The following FAM193B variants were observed in gnomAD, a reference collection of about 807,000 sequenced individuals.
FAM193B encodes protein FAM193B.
Under a neutral mutation model 70.7 loss-of-function variants are expected in FAM193B, and 27 were observed. The ratio of observed to expected loss-of-function variants is 0.38; its 90% CI spans 0.28 to 0.53. The LOEUF is 0.53. Among genes scored for constraint, FAM193B ranks in the 20% least tolerant of loss-of-function variants. FAM193B has a pLI of 0.81. For missense variants in FAM193B, 1,022 were observed against 1,072.5 expected (o/e 0.95, Z 0.66); for synonymous variants, 448 against 436.0 (o/e 1.03, Z -0.34).
At chr5:177,521,884 C>A (rs572359354) in intron 8 of FAM193B, 90 bp downstream of exon 8, 201 of 1,003,730 alleles carry the variant, frequency 2.0e-4, no homozygotes, top group Non-Finnish European at 1.1e-4. Context: ...ACTCCCTGTG[C>A]CCCAGAGCAC....
At chr5:177,529,697 A>G (rs1009607871) in intron 5 of FAM193B, among the ~76,000 whole-genome samples, 12 of 152,252 alleles carry the variant, frequency 7.9e-5, no homozygotes, top group Non-Finnish European at 1.8e-4. Flanking sequence ...TAGCATTATC[A>G]GTAAAGGGGA....
rs368338630 is a variant in FAM193B, at chr5:177,551,277, T to G, written c.210+2972A>C. On this transcript the variant is annotated intron_variant, in intron 1 of 8. Coordinates refer to ENST00000514747, the MANE Select transcript of FAM193B (RefSeq NM_001190946.3). ...TTTTTCAGTTGTTCTTTATTTTTTT[T>G]TTTGTTTGTTTTGTTTTCCTTTGCT... 3.1e-3 allele frequency among the ~76,000 whole-genome samples: 473 copies of G among 152,318 alleles called. 5 individuals are homozygous for G. The highest frequency in any genetic ancestry group is 9.6e-3 in the African/African-American group (400 of 41,558).
At position 177,536,447 on chromosome 5, in the gene FAM193B, G is replaced by A. The variant is rs950579495; in HGVS notation, c.987C>T (p.Cys329=). Residue 329 remains cysteine, a synonymous_variant, in exon 4 of 9, where the codon TGC becomes TGT. Coordinates refer to ENST00000514747, the MANE Select transcript of FAM193B (RefSeq NM_001190946.3). ...LLKMPPPFSG[C]SHPCSGHCGG... ...CACAGTGCCCGCTGCAGGGGTGGCT[G>A]CACCCCGAGAATGGTGGGGGCATCT... 16 of 1,589,156 alleles carry A rather than the reference G, an allele frequency of 1.0e-5. No individual in the cohort carries two copies. The highest frequency in any genetic ancestry group is 1.7e-4 in the Middle Eastern group (1 of 5,924).
rs1764378918 is a variant in FAM193B, at chr5:177,538,009, AGAG to A, written c.549_551del (p.Ser185del). ...AGTCTCCCGAGTTCCCAGGGCAGGA[AGAG>A]GAGGACGAGGATGAGGATGATGAGG... On this transcript the variant is annotated inframe_deletion, in exon 3 of 9. Coordinates refer to ENST00000514747, the MANE Select transcript of FAM193B (RefSeq NM_001190946.3). This position sits in a 1 kb window ranked among gnomAD's most constrained non-coding sequence, Gnocchi z 4.1. 1.9e-6 allele frequency: 3 copies of A among 1,557,214 alleles called. No homozygotes were observed. Among genetic ancestry groups the A allele is most frequent in the African/African-American group, 2.7e-5 (2 of 73,286 alleles).
chr5:177,524,080 G>C, intron 6 of FAM193B, 48 bp from the exon 7 acceptor site: 1 of 1,613,462 alleles, frequency 6.2e-7, no homozygotes, highest in East Asian at 2.2e-5. Context: ...CCAGGCCTTT[G>C]GGGTTATGCT....
chr5:177,545,695 A>C (rs1765348728), intron 1 of FAM193B, among the ~76,000 whole-genome samples: 1 of 150,506 alleles, frequency 6.6e-6, no homozygotes, highest in Admixed American at 6.6e-5. Flanking sequence ...CTCTGGGGGC[A>C]TGACTCAATT....
Position 177,536,660 on chromosome 5 carries a change from T to C in FAM193B, c.774A>G (p.Pro258=). 2 of 1,560,900 alleles carry C rather than the reference T, an allele frequency of 1.3e-6. No homozygotes were observed. The highest frequency in any genetic ancestry group is 1.7e-6 in the Non-Finnish European group (2 of 1,159,062). The change falls in exon 4 of 9, where the codon CCA becomes CCG. Residue 258 remains proline, a synonymous_variant. Coordinates refer to ENST00000514747, the MANE Select transcript of FAM193B (RefSeq NM_001190946.3). ...PNSPTGHHPQ[P]ASLIPSHPSS... ...TGGGGTGAGACGGGATTAGAGATGC[T>C]GGCTGCGGGTGGTGGCCGGTGGGGC...
rs1765485039 is a variant in FAM193B, at chr5:177,546,820, C to T, written c.210+7429G>A. Among the ~76,000 whole-genome samples, 6 of 152,308 alleles carry T rather than the reference C, an allele frequency of 3.9e-5. No homozygotes were observed. The South Asian group carries it at 1.2e-3, about 32-fold the overall frequency. On this transcript the variant is annotated intron_variant, in intron 1 of 8. Coordinates refer to ENST00000514747, the MANE Select transcript of FAM193B (RefSeq NM_001190946.3). ...CTCTCTGATCCTAGTGACCTTAACC[C>T]TAAAACTTTCTGTTTTAATATCCCC... is the stretch of plus-strand genomic sequence containing the variant.
At chr5:177,552,771 A>G (rs1393846709) in intron 1 of FAM193B, among the ~76,000 whole-genome samples, 1 of 152,198 alleles carries the variant, frequency 6.6e-6, no homozygotes, top group Non-Finnish European at 1.5e-5. Flanking sequence ...ATGAAGGTGG[A>G]GCTTCTGACA....
chr5:177,543,695 T>C (rs1441827234), intron 1 of FAM193B, among the ~76,000 whole-genome samples: 1 of 152,226 alleles, frequency 6.6e-6, no homozygotes, highest in Admixed American at 6.5e-5. Flanking sequence ...TTCCTTCAAA[T>C]TTTTGCTTTG....
chr5:177,524,270 G>T lies in FAM193B; in HGVS notation c.2211C>A (p.Gly737=). Residue 737 remains glycine (G), a synonymous_variant, in exon 6 of 9, where the codon GGC becomes GGA. Transcript: ENST00000514747. Reference sequence around the variant, plus strand: ...GGGGCAAGCTCTGTGGCCTTGCTGGGCCTGAGGGCTGCACAGACTCCTGCT... The same window carrying T: ...GGGGCAAGCTCTGTGGCCTTGCTGGTCCTGAGGGCTGCACAGACTCCTGCT... ...PQEQESVQPS[G]PARPQSLPQG... 1 of 1,576,172 alleles carries T rather than the reference G, an allele frequency of 6.3e-7. No homozygotes were observed. The highest frequency in any genetic ancestry group is 8.6e-7 in the Non-Finnish European group (1 of 1,161,570).
intron 1 of FAM193B, chr5:177,553,269 A>G (rs1766539181): frequency 1.0e-6 from 1 of 987,152 alleles, no homozygotes; most frequent in Non-Finnish European, 1.2e-6. Flanking sequence ...GTGTCTGCAG[A>G]GCCAAACGCA....
At position 177,521,746 on chromosome 5, in the gene FAM193B, G is replaced by A. The variant is rs559349370; in HGVS notation, c.*1+228C>T. Among the ~76,000 whole-genome samples the A allele has an allele frequency of 2.6e-5, 4 of 152,304 alleles. No homozygotes were observed. In the East Asian group the frequency reaches 7.7e-4, roughly 29 times the overall value. On this transcript the variant is annotated intron_variant, in intron 8 of 8. Transcript: ENST00000514747. Reference sequence around the variant, plus strand: ...AGCATGGGCAGCAGGGCCCAGGGAGGAGTAATAGAACAGAGGCCTACAGGT... The same window carrying A: ...AGCATGGGCAGCAGGGCCCAGGGAGAAGTAATAGAACAGAGGCCTACAGGT...
At chr5:177,547,337 T>A (rs563260727) in intron 1 of FAM193B, 1 of 120,620 alleles carries the variant, frequency 8.3e-6, no homozygotes, top group African/African-American at 3.3e-5. Flanking sequence ...CAGGCTGGAG[T>A]GCAGTGGCGC....
intron 5 of FAM193B, among the ~76,000 whole-genome samples, chr5:177,529,733 C>G (rs1220178819): frequency 6.6e-6 from 1 of 152,198 alleles, no homozygotes; most frequent in Non-Finnish European, 1.5e-5. Flanking sequence ...CACATATTTA[C>G]GAAAAGCACA....
chr5:177,520,926 G>A (rs985729108), intron 8 of FAM193B, among the ~76,000 whole-genome samples: 30 of 152,358 alleles, frequency 2.0e-4, no homozygotes, highest in African/African-American at 7.2e-4. Flanking sequence ...AAGGGTCACA[G>A]GGAGCCCCAG....
intron 1 of FAM193B, among the ~76,000 whole-genome samples, chr5:177,541,311 C>T (rs182316200): frequency 1.2e-3 from 180 of 152,310 alleles, no homozygotes; most frequent in Non-Finnish European, 7.3e-4. Context: ...GACCACAAGG[C>T]GAGCACCAAG....
Position 177,538,972 on chromosome 5 carries a change from A to G in FAM193B, c.386T>C (p.Val129Ala), listed in dbSNP as rs774043459. 1 of 1,614,028 alleles carries G rather than the reference A, an allele frequency of 6.2e-7. No homozygotes were observed. ...CATGCTCTTTCGGCAACTCTGGCAGACCCACAGAGGCATCTCGCCTAGGAG... is the reference window on the plus strand; with the variant it reads ...CATGCTCTTTCGGCAACTCTGGCAGGCCCACAGAGGCATCTCGCCTAGGAG... ...KNLLGEMPLW[V>A]CQSCRKSMEE... The change falls in exon 2 of 9, where the codon GTC becomes GCC. Residue 129 changes from valine (V) to alanine (A), a missense_variant. Transcript: ENST00000514747. The surrounding 1 kb of genome is among the most constrained non-coding windows in gnomAD (Gnocchi z 4.1).
chr5:177,522,785 G>T (rs1761962313), intron 7 of FAM193B, among the ~76,000 whole-genome samples: 1 of 152,204 alleles, frequency 6.6e-6, no homozygotes, highest in African/African-American at 2.4e-5. Context: ...CACAATCTTG[G>T]CTTACTGCAA....
Sources: allele counts gnomAD v4.1 joint callset (sites outside exome capture counted in the v4.1 genomes callset), GRCh38; gene constraint gnomAD v4.1.1; non-coding constraint Gnocchi (gnomAD v3.1); transcripts MANE v1.5; gene names NCBI Gene and HGNC (gene_info 2026-07-23, HGNC 2026-07-21).